Variants in TAOK1 observed in about 807,000 individuals in gnomAD.
TAOK1 encodes TAO kinase 1.
A neutral mutation model predicts 138.3 loss-of-function variants in TAOK1; 21 were observed. That is an observed-to-expected ratio of 0.15 (90% confidence interval 0.11 to 0.22). The LOEUF (loss-of-function observed/expected upper bound fraction) is 0.22, where lower values mean the gene tolerates loss of function less well. Among genes scored for constraint, TAOK1 ranks in the 10% least tolerant of loss-of-function variants. TAOK1 has a pLI of 1.00. For missense variants in TAOK1, 651 were observed against 1,227.7 expected (o/e 0.53, Z 7.02); for synonymous variants, 361 against 398.4 (o/e 0.91, Z 1.12).
intron 10 of TAOK1, among the ~76,000 whole-genome samples, chr17:29,494,073 C>T (rs573381450): frequency 1.3e-5 from 2 of 152,156 alleles, no homozygotes; most frequent in Admixed American, 1.3e-4. Context: ...TATGCCTCCA[C>T]GTCCTGCTAA....
At chr17:29,446,088 T>C (rs2030069745) in intron 1 of TAOK1, among the ~76,000 whole-genome samples, 1 of 152,174 alleles carries the variant, frequency 6.6e-6, no homozygotes, top group Non-Finnish European at 1.5e-5. Flanking sequence ...CTTTTTAATG[T>C]GTGTAGGGTC....
At chr17:29,398,167 C>G (rs1404148321) in intron 1 of TAOK1, among the ~76,000 whole-genome samples, 1 of 152,042 alleles carries the variant, frequency 6.6e-6, no homozygotes, top group African/African-American at 2.4e-5. Context: ...CAGTACCAGG[C>G]CTGTGGTAAC....
intron 3 of TAOK1, among the ~76,000 whole-genome samples, chr17:29,472,823 G>A (rs953118465): frequency 2.0e-5 from 3 of 152,036 alleles, no homozygotes; most frequent in African/African-American, 4.8e-5. Context: ...TGATCCGCCC[G>A]CCTCGGCCTC....
intron 15 of TAOK1, 70 bp downstream of exon 15, chr17:29,511,062 T>C: frequency 7.2e-7 from 1 of 1,391,758 alleles, no homozygotes; most frequent in South Asian, 1.5e-5. Context: ...GACCAACTCA[T>C]AGAAGCATTA....
chr17:29,418,120 G>A (rs1277470461), intron 1 of TAOK1, among the ~76,000 whole-genome samples: 2 of 152,022 alleles, frequency 1.3e-5, no homozygotes, highest in Non-Finnish European at 2.9e-5. Context: ...CTCCTGAGCT[G>A]AAGCAATCCA....
intron 1 of TAOK1, among the ~76,000 whole-genome samples, chr17:29,446,695 A>G (rs1038993361): frequency 1.3e-5 from 2 of 151,752 alleles, no homozygotes; most frequent in Non-Finnish European, 2.9e-5. Flanking sequence ...ACCACGTACA[A>G]CCATGCTCCC....
chr17:29,439,864 TAA>T (rs371960597), intron 1 of TAOK1, among the ~76,000 whole-genome samples: 23,155 of 117,316 alleles, frequency 0.2, 2,462 homozygotes, highest in African/African-American at 0.32. Flanking sequence ...CTCTGTCTCC[TAA>T]AAAAAAAAAA....
chr17:29,522,052 C>T (rs2031930699), intron 16 of TAOK1, among the ~76,000 whole-genome samples: 2 of 152,002 alleles, frequency 1.3e-5, no homozygotes, highest in Admixed American at 1.3e-4. Context: ...TAGTCTTAAG[C>T]TAATGGTAAT....
At chr17:29,496,579 CTTTTTTTTTTT>C (rs748595265) in intron 11 of TAOK1, among the ~76,000 whole-genome samples, 3 of 87,858 alleles carry the variant, frequency 3.4e-5, no homozygotes, top group Non-Finnish European at 6.0e-5. Context: ...CCATCTACAC[CTTTTTTTTTTT>C]TTTTTTTTTT....
At chr17:29,540,375 TTTG>T (rs2032295571) in intron 19 of TAOK1, among the ~76,000 whole-genome samples, 1 of 151,976 alleles carries the variant, frequency 6.6e-6, no homozygotes. Flanking sequence ...TGTTTGTTTG[TTTG>T]TTTTGAGACT....
At chr17:29,501,118 C>T (rs2031514799) in intron 12 of TAOK1, among the ~76,000 whole-genome samples, 1 of 150,676 alleles carries the variant, frequency 6.6e-6, no homozygotes, top group South Asian at 2.1e-4. Flanking sequence ...GGCACTGTGG[C>T]TCATTCCTAT....
chr17:29,417,827 A>G (rs930800407), intron 1 of TAOK1, among the ~76,000 whole-genome samples: 1 of 152,102 alleles, frequency 6.6e-6, no homozygotes, highest in Non-Finnish European at 1.5e-5. Context: ...TCTTAATGGT[A>G]TCTTTCACAG....
chr17:29,489,370 C>T (rs1425085733), intron 8 of TAOK1, among the ~76,000 whole-genome samples: 1 of 152,082 alleles, frequency 6.6e-6, no homozygotes, highest in African/African-American at 2.4e-5. Context: ...TGGTGGTGCA[C>T]ACCTGTGGTC....
chr17:29,425,695 C>A (rs538253778), intron 1 of TAOK1, among the ~76,000 whole-genome samples: 2,661 of 151,550 alleles, frequency 0.018, 68 homozygotes, highest in African/African-American at 0.061. Context: ...ACAAAAAAAC[C>A]AAACTTTTTA....
chr17:29,492,212 G>A (rs1300417033), intron 10 of TAOK1, among the ~76,000 whole-genome samples: 1 of 152,118 alleles, frequency 6.6e-6, no homozygotes, highest in Non-Finnish European at 1.5e-5. Flanking sequence ...TTACCCCTAA[G>A]AAATGATTGT....
At chr17:29,456,521 C>G (rs2030381243) in intron 2 of TAOK1, among the ~76,000 whole-genome samples, 1 of 150,286 alleles carries the variant, frequency 6.7e-6, no homozygotes, top group Admixed American at 6.6e-5. Flanking sequence ...AGGAATTTGT[C>G]TATTACAGGT....
At chr17:29,394,150 G>GTT (rs58117433) in intron 1 of TAOK1, among the ~76,000 whole-genome samples, 3,713 of 48,210 alleles carry the variant, frequency 0.077, 957 homozygotes, top group Middle Eastern at 0.17. Context: ...TAATTTGCCA[G>GTT]TTTTTTTTTT....
intron 1 of TAOK1, among the ~76,000 whole-genome samples, chr17:29,426,319 A>G (rs950594032): frequency 3.3e-5 from 5 of 152,230 alleles, no homozygotes; most frequent in Non-Finnish European, 7.3e-5. Context: ...TAGGAAATCA[A>G]TGGAGAAAAT....
rs564953576 is a variant in TAOK1 at position 29,540,308 on chromosome 17, T to C, written c.2545-2253T>C. The stretch of plus-strand genomic sequence containing the variant: ...TTCTTTGAGACTTATTTGCTCCACT[T>C]TTCCTCCCCTATAGAGCAAACCGTT... On this transcript the variant is annotated intron_variant, in intron 19 of 19. Coordinates refer to ENST00000261716, the MANE Select transcript of TAOK1 (RefSeq NM_020791.4). 7.2e-5 allele frequency among the ~76,000 whole-genome samples: 11 copies of C among 152,298 alleles called. No individual in the cohort carries two copies. The South Asian group carries it at 2.3e-3, about 32-fold the overall frequency.
Sources: gnomAD v4.1 joint callset for allele counts (sites outside exome capture counted in the v4.1 genomes callset) on GRCh38, gnomAD v4.1.1 for gene constraint, MANE v1.5 for transcripts, NCBI Gene and HGNC (gene_info 2026-07-23, HGNC 2026-07-21) for gene names.